TP53BP2: variants seen among roughly 807,000 people sequenced by gnomAD.
TP53BP2 encodes the protein tumor protein p53 binding protein 2.
A neutral mutation model predicts 126.2 loss-of-function variants in TP53BP2; 62 were observed. The ratio of observed to expected loss-of-function variants is 0.49; its 90% CI spans 0.40 to 0.61. The LOEUF is 0.61. Among genes scored for constraint, TP53BP2 ranks in the 20% least tolerant of loss-of-function variants. The probability of loss-of-function intolerance (pLI) is 0.00; values close to 1 mark genes in which losing one functional copy is unlikely to be tolerated. For synonymous variants in TP53BP2, 485 were observed against 502.9 expected (o/e 0.96, Z 0.48); for missense variants, 1,215 against 1,402.8 (o/e 0.87, Z 2.14).
intron 1 of TP53BP2, among the ~76,000 whole-genome samples, chr1:223,829,517 A>G (rs1393904237): frequency 1.3e-5 from 2 of 152,162 alleles, no homozygotes; most frequent in African/African-American, 4.8e-5. Context: ...TCCTGACACT[A>G]TATGTTCTTT....
rs752404529 is a variant in TP53BP2 at position 223,803,428 on chromosome 1, T to G, written c.674A>C (p.Asn225Thr). 12 of 1,613,022 alleles carry G rather than the reference T, an allele frequency of 7.4e-6. No individual in the cohort carries two copies. Among genetic ancestry groups the G allele is most frequent in the Middle Eastern group, 1.7e-4 (1 of 6,050 alleles). ...KLVEEIEQMNNLFQQKQRELV... is the reference protein window; with the variant it reads ...KLVEEIEQMNTLFQQKQRELV... Reference sequence around the variant, plus strand: ...CTCCCTCTGTTTTTGCTGGAACAAATTATTCATCTGTTCAATTTCCTCCAC... The same window carrying G: ...CTCCCTCTGTTTTTGCTGGAACAAAGTATTCATCTGTTCAATTTCCTCCAC... The change falls in exon 7 of 18, where the codon AAT (asparagine) becomes ACT (threonine). Residue 225 changes from asparagine to threonine, a missense_variant. By Grantham distance (65) the Asn-to-Thr change is moderately conservative. Transcript: ENST00000343537.
At chr1:223,801,237 G>GT (rs745414191) in intron 9 of TP53BP2, among the ~76,000 whole-genome samples, 1 of 152,128 alleles carries the variant, frequency 6.6e-6, no homozygotes, top group East Asian at 1.9e-4. Context: ...GTATATTCAG[G>GT]TTTTTTTCTA....
chr1:223,838,301 G>A (rs1663989226), intron 1 of TP53BP2, among the ~76,000 whole-genome samples: 1 of 152,056 alleles, frequency 6.6e-6, no homozygotes, highest in Non-Finnish European at 1.5e-5. Flanking sequence ...AATATTTGTT[G>A]AGCAGATGTT....
intron 17 of TP53BP2, among the ~76,000 whole-genome samples, chr1:223,782,952 G>A (rs115936698): frequency 1.7e-4 from 26 of 152,288 alleles, no homozygotes; most frequent in African/African-American, 6.0e-4. Flanking sequence ...TACACTGCAC[G>A]TTAGACAAAC....
chr1:223,787,901 A>AATAG (rs1026301937), intron 16 of TP53BP2, among the ~76,000 whole-genome samples: 20 of 151,600 alleles, frequency 1.3e-4, no homozygotes, highest in African/African-American at 4.6e-4. Flanking sequence ...TAAATAAATA[A>AATAG]ATAGATAATA....
At chr1:223,841,911 T>C (rs145453289) in intron 1 of TP53BP2, among the ~76,000 whole-genome samples, 8 of 139,216 alleles carry the variant, frequency 5.7e-5, no homozygotes, top group Admixed American at 2.9e-4. Context: ...ACTTTCTCTT[T>C]CTTTTTTTTT....
chr1:223,814,161 T>C (rs1352954147), intron 3 of TP53BP2, 79 bp downstream of exon 3: 1 of 1,026,232 alleles, frequency 9.7e-7, no homozygotes, highest in Non-Finnish European at 1.5e-6. Flanking sequence ...TTACCTGGCT[T>C]CTCATCATGT....
chr1:223,810,324 C>T lies in TP53BP2; in HGVS notation c.372+107G>A, dbSNP rs12069100. On this transcript the variant is annotated intron_variant, in intron 4 of 17. Transcript: ENST00000343537. ...CAAATTTAAAATAACCTTTAAAAAG[C>T]GGCCATCCTTAGCCCATTGAATAAC... The T allele has an allele frequency of 4.2e-3, 2,894 of 695,770 alleles. 63 individuals are homozygous for T. The African/African-American group carries it at 0.047, about 11-fold the overall frequency. 43.1% of individuals were successfully genotyped at this position (695,770 alleles called of 1,614,324 possible).
chr1:223,789,305 T>C lies in TP53BP2; in HGVS notation c.2997-131A>G, dbSNP rs563590992. The C allele has an allele frequency of 1.1e-5, 11 of 1,032,540 alleles. No individual in the cohort carries two copies. In the East Asian group the frequency reaches 2.5e-4, roughly 23 times the overall value. 64.0% of individuals were successfully genotyped at this position (1,032,540 alleles called of 1,614,324 possible). On this transcript the variant is annotated intron_variant, in intron 15 of 17. Coordinates refer to ENST00000343537, the MANE Select transcript of TP53BP2 (RefSeq NM_001031685.3). The stretch of plus-strand genomic sequence containing the variant: ...TCTTCTGAAAACCTCTTAAACAGTT[T>C]TTTAAAAACCAGTTCAACACAGATG...
chr1:223,810,806 T>C (rs1041255682), intron 3 of TP53BP2, among the ~76,000 whole-genome samples: 6 of 152,200 alleles, frequency 3.9e-5, no homozygotes, highest in African/African-American at 1.2e-4. Context: ...AAACGTAATG[T>C]ACTTCTGACT....
At chr1:223,802,921 G>A (rs77933928) in intron 7 of TP53BP2, 26 bp from the exon 8 acceptor site, 68,434 of 1,612,634 alleles carry the variant, frequency 0.042, 1,758 homozygotes, top group Middle Eastern at 0.074. Context: ...GGGAAAAAAG[G>A]TAGCCAAGGA....
intron 4 of TP53BP2, among the ~76,000 whole-genome samples, chr1:223,809,744 T>A (rs1158100470): frequency 6.6e-6 from 1 of 152,110 alleles, no homozygotes; most frequent in Non-Finnish European, 1.5e-5. Context: ...CTAAAAATAG[T>A]GACCGCTGAA....
At chr1:223,834,840 AG>A in intron 1 of TP53BP2, 3 of 985,406 alleles carry the variant, frequency 3.0e-6, no homozygotes, top group Non-Finnish European at 3.6e-6. Flanking sequence ...ACCTCCAGCC[AG>A]AAGTAAATGT....
chr1:223,780,858 C>T lies in TP53BP2; in HGVS notation c.3400G>A (p.Ala1134Thr). Residue 1134 changes from alanine (A) to threonine (T), a missense_variant, in exon 18 of 18, where the codon GCC becomes ACC. Transcript: ENST00000343537. ...PRIKPRQRSL[A>T] ...TAAAATTCTGTGTGGAAGTTTCAGG[C>T]CAAGCTCCTTTGTCTTGGTTTAATT... is the stretch of plus-strand genomic sequence containing the variant. The T allele has an allele frequency of 6.2e-7, 1 of 1,613,656 alleles. No individual in the cohort carries two copies. The highest frequency in any genetic ancestry group is 8.5e-7 in the Non-Finnish European group (1 of 1,179,924).
At chr1:223,798,024 T>C (rs1178270225) in intron 12 of TP53BP2, among the ~76,000 whole-genome samples, 191 bp downstream of exon 12, 2 of 152,142 alleles carry the variant, frequency 1.3e-5, no homozygotes, top group Admixed American at 1.3e-4. Context: ...CTATTATCTT[T>C]AGTGCCTACT....
intron 3 of TP53BP2, among the ~76,000 whole-genome samples, chr1:223,812,999 A>C (rs1662964812): frequency 6.6e-6 from 1 of 152,138 alleles, no homozygotes; most frequent in Non-Finnish European, 1.5e-5. Flanking sequence ...CGCTCAGCCA[A>C]AACTGAGCTT....
At position 223,845,596 on chromosome 1, in the gene TP53BP2, C is replaced by A. The variant is rs2102898427; in HGVS notation, c.27+58G>T. On this transcript the variant is annotated intron_variant, in intron 1 of 17. Coordinates refer to ENST00000343537, the MANE Select transcript of TP53BP2 (RefSeq NM_001031685.3). ...ACGCGCCCGAGGGCGCGGACCAGCC[C>A]CCGGCACGCGACCCCGCACACTTCC... 6 of 1,509,150 alleles carry A rather than the reference C, an allele frequency of 4.0e-6. No homozygotes were observed. In the East Asian group the frequency reaches 1.7e-4, roughly 42 times the overall value. 93.5% of individuals were successfully genotyped at this position (1,509,150 alleles called of 1,614,324 possible).
At position 223,831,472 on chromosome 1, in the gene TP53BP2, AAAAAAAAAAT is replaced by A. The variant is rs1236860035; in HGVS notation, c.28-10115_28-10106del. ...CACACACATATGTACCATCTAAAAA[AAAAAAAAAAT>A]ATATATATATATATATATATATATA... On this transcript the variant is annotated intron_variant, in intron 1 of 17. Transcript: ENST00000343537. Among the ~76,000 whole-genome samples the A allele has an allele frequency of 6.0e-3, 255 of 42,454 alleles. 2 individuals carry two copies. The highest frequency in any genetic ancestry group is 0.015 in the Middle Eastern group (2 of 136). 27.9% of individuals were successfully genotyped at this position (42,454 alleles called of 152,430 possible).
At position 223,786,173 on chromosome 1, in the gene TP53BP2, A is replaced by G. The variant is rs950758197; in HGVS notation, c.3164-1859T>C. On this transcript the variant is annotated intron_variant, in intron 16 of 17. Transcript: ENST00000343537. ...GAATCACCAGTATGATTTTATATAAAGGGCAAAAACAAGCAAAACTGCAGA... is the reference window on the plus strand; with the variant it reads ...GAATCACCAGTATGATTTTATATAAGGGGCAAAAACAAGCAAAACTGCAGA... Among the ~76,000 whole-genome samples the G allele has an allele frequency of 1.1e-4, 17 of 152,238 alleles. 1 individual carries two copies. The highest frequency in any genetic ancestry group is 6.5e-5 in the Admixed American group (1 of 15,288).
Sources: gnomAD v4.1 joint callset for allele counts (sites outside exome capture counted in the v4.1 genomes callset) on GRCh38, gnomAD v4.1.1 for gene constraint, MANE v1.5 for transcripts, NCBI Gene and HGNC (gene_info 2026-07-23, HGNC 2026-07-21) for gene names.